Variants in ARHGEF38 observed in about 807,000 individuals in gnomAD.
ARHGEF38 encodes Rho guanine nucleotide exchange factor (GEF) 38.
In ARHGEF38, 79 loss-of-function variants were observed where a neutral mutation model predicts 79.9. The observed-to-expected ratio is 0.99, with a 90% CI of 0.82 to 1.19. The LOEUF is 1.19. ARHGEF38 is among the 50% of genes most tolerant of loss of function. The pLI, the probability that ARHGEF38 is intolerant of heterozygous loss-of-function variation, is 0.00. For synonymous variants in ARHGEF38, 366 were observed against 328.3 expected, an observed-to-expected ratio of 1.11 and a Z score of -1.24; for missense variants, 962 against 907.2, an observed-to-expected ratio of 1.06 and a Z score of -0.78.
chr4:105,652,957 C>CA (rs1730167349), intron 7 of ARHGEF38, among the ~76,000 whole-genome samples: 1 of 152,098 alleles, frequency 6.6e-6, no homozygotes, highest in African/African-American at 2.4e-5. Flanking sequence ...ACAGATGAAC[C>CA]AAGCACTGCT....
chr4:105,586,323 GCAAA>G (rs1347038089), intron 1 of ARHGEF38, among the ~76,000 whole-genome samples: 5 of 151,724 alleles, frequency 3.3e-5, no homozygotes, highest in Non-Finnish European at 7.4e-5. Context: ...AGTCAAAAGA[GCAAA>G]CAAAGATATC....
Position 105,677,898 on chromosome 4 carries a change from C to G in ARHGEF38, c.2295C>G (p.Tyr765Ter), listed in dbSNP as rs1041176935. 6.5e-7 allele frequency: 1 copy of G among 1,532,456 alleles called. No individual in the cohort carries two copies. Among genetic ancestry groups the G allele is most frequent in the Admixed American group, 2.0e-5 (1 of 50,700 alleles). 94.9% of individuals were successfully genotyped at this position (1,532,456 alleles called of 1,614,324 possible). The part of the protein sequence containing the change: ...WLAEAQGQKG[Y>*]VPANYLGKMT... The stretch of plus-strand genomic sequence containing the variant: ...CTGAAGCTCAAGGGCAGAAAGGATA[C>G]GTGCCAGCTAACTACCTTGGAAAGA... The change falls in exon 14 of 14, where the codon TAC becomes TAG. Residue 765 changes from tyrosine to a stop codon, truncating the protein, a stop_gained. Transcript: ENST00000420470. LOFTEE classifies it high-confidence loss of function.
intron 4 of ARHGEF38, chr4:105,631,675 A>T: frequency 1.0e-6 from 1 of 979,336 alleles, no homozygotes; most frequent in Non-Finnish European, 1.2e-6. Flanking sequence ...ACCCCTTGCT[A>T]TTTCACTATT....
intron 5 of ARHGEF38, among the ~76,000 whole-genome samples, chr4:105,638,067 G>A (rs990817495): frequency 6.6e-6 from 1 of 152,132 alleles, no homozygotes; most frequent in African/African-American, 2.4e-5. Context: ...AAGGGCAAAA[G>A]GCAATGTCAA....
At chr4:105,645,476 G>A in intron 6 of ARHGEF38, 89 bp downstream of exon 6, 2 of 1,132,392 alleles carry the variant, frequency 1.8e-6, no homozygotes, top group Non-Finnish European at 2.4e-6. Context: ...AGTAGTTATA[G>A]CAGCTGCAGT....
chr4:105,595,625 G>A (rs940437720), intron 2 of ARHGEF38, among the ~76,000 whole-genome samples: 3 of 151,846 alleles, frequency 2.0e-5, no homozygotes, highest in Admixed American at 1.3e-4. Context: ...ACGGGGCACT[G>A]GCTCCAGGAT....
rs77477270 is a variant in ARHGEF38, at chr4:105,645,470, G to C, written c.874+83G>C. 981 of 1,195,272 alleles carry C rather than the reference G, an allele frequency of 8.2e-4. 8 individuals are homozygous for C. The East Asian group carries it at 0.019, about 24-fold the overall frequency. 74.0% of individuals were successfully genotyped at this position (1,195,272 alleles called of 1,614,324 possible). A position where few individuals can be genotyped will look rare whatever the true frequency, so the allele number is the denominator to read the frequency against. On this transcript the variant is annotated intron_variant, in intron 6 of 13. Transcript: ENST00000420470. ...TTCTGAGAATCAGAATGTTTAAGTAGTTATAGCAGCTGCAGTGAACTGATC... is the reference window on the plus strand; with the variant it reads ...TTCTGAGAATCAGAATGTTTAAGTACTTATAGCAGCTGCAGTGAACTGATC...
intron 2 of ARHGEF38, among the ~76,000 whole-genome samples, chr4:105,598,200 C>A (rs1727666851): frequency 6.6e-6 from 1 of 152,116 alleles, no homozygotes; most frequent in Non-Finnish European, 1.5e-5. Context: ...ATGAAAAAGC[C>A]AAGTCCCTTT....
intron 2 of ARHGEF38, among the ~76,000 whole-genome samples, 200 bp downstream of exon 2, chr4:105,589,635 G>A (rs1727229436): frequency 6.6e-6 from 1 of 152,110 alleles, no homozygotes; most frequent in African/African-American, 2.4e-5. Flanking sequence ...TGCAGAAAAG[G>A]AGGAGTCAGA....
intron 1 of ARHGEF38, among the ~76,000 whole-genome samples, chr4:105,575,709 C>A (rs1055291941): frequency 6.6e-6 from 1 of 152,078 alleles, no homozygotes; most frequent in African/African-American, 2.4e-5. Context: ...GGGTTTTAGT[C>A]ATAAATACTT....
chr4:105,562,633 G>A (rs562011976), intron 1 of ARHGEF38, among the ~76,000 whole-genome samples: 32 of 152,208 alleles, frequency 2.1e-4, no homozygotes, highest in African/African-American at 5.5e-4. Flanking sequence ...CTAGGTATTC[G>A]TATGTGCCAG....
intron 11 of ARHGEF38, among the ~76,000 whole-genome samples, chr4:105,666,863 A>G (rs1730770547): frequency 1.3e-5 from 2 of 152,226 alleles, no homozygotes; most frequent in African/African-American, 4.8e-5. Context: ...GCAACATCCA[A>G]GAGGGATTAG....
chr4:105,575,029 CA>C, intron 1 of ARHGEF38, among the ~76,000 whole-genome samples: 1 of 151,974 alleles, frequency 6.6e-6, no homozygotes, highest in East Asian at 1.9e-4. Flanking sequence ...CACACACACA[CA>C]CACACACCAT....
intron 5 of ARHGEF38, among the ~76,000 whole-genome samples, chr4:105,640,648 T>C (rs1729581223): frequency 6.6e-6 from 1 of 152,190 alleles, no homozygotes; most frequent in African/African-American, 2.4e-5. Flanking sequence ...TTCAGTAGTT[T>C]CTTCTATTCC....
intron 2 of ARHGEF38, 51 bp downstream of exon 2, chr4:105,589,486 C>T (rs987724514): frequency 7.4e-6 from 11 of 1,491,630 alleles, no homozygotes; most frequent in Non-Finnish European, 9.9e-6. Context: ...TAAATAGGAT[C>T]ACTAGCACCA....
At chr4:105,601,378 C>T (rs1414802176) in intron 2 of ARHGEF38, among the ~76,000 whole-genome samples, 1 of 152,128 alleles carries the variant, frequency 6.6e-6, no homozygotes, top group Non-Finnish European at 1.5e-5. Flanking sequence ...CTCAATCTAT[C>T]TTAGACTGGA....
intron 5 of ARHGEF38, among the ~76,000 whole-genome samples, chr4:105,639,457 C>A (rs1460942116): frequency 6.6e-6 from 1 of 151,892 alleles, no homozygotes; most frequent in Non-Finnish European, 1.5e-5. Flanking sequence ...GAAATTCCAA[C>A]ATTAGTTTAT....
intron 1 of ARHGEF38, among the ~76,000 whole-genome samples, chr4:105,554,763 T>G (rs1344436378): frequency 1.3e-5 from 2 of 151,106 alleles, no homozygotes; most frequent in Non-Finnish European, 2.9e-5. Flanking sequence ...TTACAAAACA[T>G]CTAGTATACT....
chr4:105,561,468 TA>T (rs1725582594), intron 1 of ARHGEF38: 2 of 103,696 alleles, frequency 1.9e-5, no homozygotes, highest in Non-Finnish European at 4.0e-5. Context: ...TAGAATAGAA[TA>T]GAATAGAATA....
Sources: gnomAD v4.1 joint callset for allele counts (sites outside exome capture counted in the v4.1 genomes callset) on GRCh38, gnomAD v4.1.1 for gene constraint, MANE v1.5 for transcripts, NCBI Gene and HGNC (gene_info 2026-07-23, HGNC 2026-07-21) for gene names.